Variants in DSCAM observed in about 807,000 individuals in gnomAD.
DSCAM encodes cell adhesion molecule DSCAM.
A neutral mutation model predicts 217.7 loss-of-function variants in DSCAM; 47 were observed. That is an observed-to-expected ratio of 0.22 (90% CI 0.17 to 0.28). The LOEUF (loss-of-function observed/expected upper bound fraction) is 0.28. DSCAM is among the 10% of genes least tolerant of loss of function. DSCAM has a pLI of 1.00. For synonymous variants in DSCAM, 1,056 were observed against 1,015.3 expected, an observed-to-expected ratio of 1.04 and a Z score of -0.76; for missense variants, 2,080 against 2,618.3, an observed-to-expected ratio of 0.79 and a Z score of 4.49.
rs189599148 is a variant in DSCAM at position 40,619,421 on chromosome 21, G to T, written c.508+73389C>A. ...ACAGATTCAAAAAGATTAATATGTT[G>T]GGGTAATAGTTTTTCAACAAAATAT... On this transcript the variant is annotated intron_variant, in intron 3 of 32. Coordinates refer to ENST00000400454, the MANE Select transcript of DSCAM (RefSeq NM_001389.5). Among the ~76,000 whole-genome samples, 353 of 152,206 alleles carry T rather than the reference G, an allele frequency of 2.3e-3. 1 individual carries two copies. The highest frequency in any genetic ancestry group is 0.012 in the Admixed American group (188 of 15,288).
intron 3 of DSCAM, among the ~76,000 whole-genome samples, chr21:40,632,173 G>A (rs557927545): frequency 8.6e-4 from 131 of 152,208 alleles, no homozygotes; most frequent in African/African-American, 3.0e-3. Flanking sequence ...CAGTGCTCAG[G>A]GGTTCATGAG....
At chr21:40,254,952 G>A (rs1271557207) in intron 11 of DSCAM, among the ~76,000 whole-genome samples, 1 of 151,974 alleles carries the variant, frequency 6.6e-6, no homozygotes, top group Non-Finnish European at 1.5e-5. Flanking sequence ...TTCATCTGCT[G>A]ATATGATTAA....
intron 3 of DSCAM, among the ~76,000 whole-genome samples, chr21:40,563,732 A>G (rs1399029325): frequency 6.8e-6 from 1 of 146,812 alleles, no homozygotes; most frequent in African/African-American, 2.5e-5. Flanking sequence ...ATATGTTTAT[A>G]TGTTTATATA....
chr21:40,207,430 AGGTGTAAAAATAT>A (rs1279174366), intron 11 of DSCAM, among the ~76,000 whole-genome samples: 1 of 152,166 alleles, frequency 6.6e-6, no homozygotes, highest in African/African-American at 2.4e-5. Context: ...CAGTTTGGCC[AGGTGTAAAAATAT>A]GTTGTGTGAG....
intron 3 of DSCAM, among the ~76,000 whole-genome samples, chr21:40,686,571 GTCTA>G (rs1362372668): frequency 6.6e-6 from 1 of 152,050 alleles, no homozygotes; most frequent in Non-Finnish European, 1.5e-5. Flanking sequence ...ATCTCTATGT[GTCTA>G]TCTACTTGTT....
intron 31 of DSCAM, among the ~76,000 whole-genome samples, chr21:40,043,136 T>A (rs1169101774): frequency 6.6e-6 from 1 of 152,348 alleles, no homozygotes; most frequent in East Asian, 1.9e-4. Context: ...AAAGATGTCA[T>A]GTTGCACGGA....
chr21:40,741,597 T>C (rs1202617769), intron 1 of DSCAM, among the ~76,000 whole-genome samples: 1 of 152,000 alleles, frequency 6.6e-6, no homozygotes, highest in Non-Finnish European at 1.5e-5. Context: ...ACAAGTCCAC[T>C]GGGTAAATTT....
chr21:40,360,877 T>C (rs938377505), intron 4 of DSCAM, among the ~76,000 whole-genome samples: 1 of 152,200 alleles, frequency 6.6e-6, no homozygotes, highest in Non-Finnish European at 1.5e-5. Flanking sequence ...TTAAGTTCTT[T>C]GAGAAATCTC....
intron 3 of DSCAM, among the ~76,000 whole-genome samples, chr21:40,469,816 T>A (rs573482827): frequency 1.3e-5 from 2 of 152,358 alleles, no homozygotes; most frequent in African/African-American, 4.8e-5. Context: ...TTTGTTGTTA[T>A]AATTTCTTTA....
chr21:40,092,642 T>C (rs2146590306), intron 21 of DSCAM, among the ~76,000 whole-genome samples: 1 of 152,302 alleles, frequency 6.6e-6, no homozygotes, highest in East Asian at 1.9e-4. Context: ...TCCTATGTGT[T>C]TTGTTGCAGT....
intron 2 of DSCAM, among the ~76,000 whole-genome samples, chr21:40,706,701 G>T (rs970061596): frequency 5.9e-5 from 9 of 152,144 alleles, no homozygotes; most frequent in African/African-American, 1.9e-4. Flanking sequence ...TTTTGAACAA[G>T]CTTCCAGTTC....
intron 3 of DSCAM, among the ~76,000 whole-genome samples, chr21:40,461,885 G>T (rs936353097): frequency 2.0e-5 from 3 of 152,206 alleles, no homozygotes; most frequent in Non-Finnish European, 2.9e-5. Flanking sequence ...AAGCAGAACT[G>T]CTCTAGAGCC....
intron 3 of DSCAM, among the ~76,000 whole-genome samples, chr21:40,543,900 G>A (rs138871564): frequency 0.014 from 2,182 of 151,938 alleles, 20 homozygotes; most frequent in Non-Finnish European, 0.019. Context: ...TGCTGCTCTC[G>A]GTTGTGTTCA....
At chr21:40,173,512 T>C (rs964297271) in intron 15 of DSCAM, among the ~76,000 whole-genome samples, 4 of 152,150 alleles carry the variant, frequency 2.6e-5, no homozygotes, top group Non-Finnish European at 5.9e-5. Context: ...CAGAGGCAGA[T>C]CGCTGAGGGC....
At chr21:40,817,663 C>T (rs999327447) in intron 1 of DSCAM, among the ~76,000 whole-genome samples, 7 of 152,194 alleles carry the variant, frequency 4.6e-5, no homozygotes, top group Admixed American at 3.3e-4. Flanking sequence ...AAAATCTCTC[C>T]GAGTAAGCAT....
At chr21:40,805,246 C>T (rs1267970580) in intron 1 of DSCAM, among the ~76,000 whole-genome samples, 1 of 152,216 alleles carries the variant, frequency 6.6e-6, no homozygotes, top group Admixed American at 6.5e-5. Flanking sequence ...AATCTGGCCA[C>T]TGCCAACTTT....
chr21:40,616,851 A>G (rs2089401691), intron 3 of DSCAM, among the ~76,000 whole-genome samples: 1 of 151,670 alleles, frequency 6.6e-6, no homozygotes, highest in South Asian at 2.1e-4. Flanking sequence ...CACCGACTCT[A>G]CTAAAAATAC....
chr21:40,441,695 T>C (rs539813615), intron 3 of DSCAM, among the ~76,000 whole-genome samples: 30 of 152,312 alleles, frequency 2.0e-4, no homozygotes, highest in South Asian at 1.0e-3. Flanking sequence ...ATTTAAACCC[T>C]TGACCTGCCC....
chr21:40,458,280 A>G (rs960126335), intron 3 of DSCAM, among the ~76,000 whole-genome samples: 2 of 152,208 alleles, frequency 1.3e-5, no homozygotes, highest in Admixed American at 6.5e-5. Context: ...GAAGTTCATT[A>G]AATATTTCCC....
Sources: allele counts gnomAD v4.1 joint callset (sites outside exome capture counted in the v4.1 genomes callset), GRCh38; gene constraint gnomAD v4.1.1; transcripts MANE v1.5; gene names NCBI Gene and HGNC (gene_info 2026-07-23, HGNC 2026-07-21).